Variants in PPP2R2B observed in about 807,000 individuals in gnomAD.
PPP2R2B encodes serine/threonine-protein phosphatase 2A 55 kDa regulatory subunit B beta isoform.
In PPP2R2B, 5 loss-of-function variants were observed where a neutral mutation model predicts 46.0. The ratio of observed to expected loss-of-function variants is 0.11; its 90% CI spans 0.06 to 0.23. PPP2R2B has a LOEUF of 0.23. Ranked by LOEUF, PPP2R2B falls within the 10% of genes least tolerant of loss-of-function variation. The pLI, the probability that PPP2R2B is intolerant of heterozygous loss-of-function variation, is 1.00. For missense variants in PPP2R2B, 367 were observed against 575.0 expected, an observed-to-expected ratio of 0.64 and a Z score of 3.70; for synonymous variants, 215 against 206.7, an observed-to-expected ratio of 1.04 and a Z score of -0.34.
intron 2 of PPP2R2B, among the ~76,000 whole-genome samples, chr5:147,076,391 T>C (rs1350917182): frequency 6.6e-6 from 1 of 152,116 alleles, no homozygotes; most frequent in Non-Finnish European, 1.5e-5. Context: ...GTTTCTTGAG[T>C]GAATCAATTA....
rs943888928 is a variant in PPP2R2B, at chr5:146,580,904, T to C, written c.*9043A>G. Among the ~76,000 whole-genome samples the C allele has an allele frequency of 1.3e-5, 2 of 152,194 alleles. No homozygotes were observed. The highest frequency in any genetic ancestry group is 2.9e-5 in the Non-Finnish European group (2 of 68,024). Reference sequence around the variant, plus strand: ...GTGCTGGTCAAAGTGAAGAGCTTCTTTGAGTCATGATCCATGCCTGAAATG... The same window carrying C: ...GTGCTGGTCAAAGTGAAGAGCTTCTCTGAGTCATGATCCATGCCTGAAATG... On this transcript the variant is annotated 3_prime_UTR_variant, in exon 10 of 10. Coordinates refer to ENST00000394411, the MANE Select transcript of PPP2R2B (RefSeq NM_181675.4).
chr5:146,740,131 A>T (rs1023404322), intron 2 of PPP2R2B, among the ~76,000 whole-genome samples: 4 of 152,202 alleles, frequency 2.6e-5, no homozygotes, highest in African/African-American at 9.7e-5. Flanking sequence ...GCTAGAAAAG[A>T]CTTCTCAGAG....
rs78428229 is a variant in PPP2R2B, at chr5:146,784,793, A to C, written c.71-83651T>G. 7.3e-3 allele frequency among the ~76,000 whole-genome samples: 1,114 copies of C among 152,302 alleles called. 20 individuals are homozygous for C. Among genetic ancestry groups the C allele is most frequent in the African/African-American group, 0.025 (1,050 of 41,576 alleles). On this transcript the variant is annotated intron_variant, in intron 2 of 9. Transcript: ENST00000394411. Reference sequence around the variant, plus strand: ...TTTCCACATCAGAAAAGAAGGTTCTATTATGTTAACTTTACAGAATATCAG... The same window carrying C: ...TTTCCACATCAGAAAAGAAGGTTCTCTTATGTTAACTTTACAGAATATCAG...
At chr5:146,751,004 AG>A (rs1753522128) in intron 2 of PPP2R2B, among the ~76,000 whole-genome samples, 1 of 152,162 alleles carries the variant, frequency 6.6e-6, no homozygotes, top group Non-Finnish European at 1.5e-5. Context: ...AAGAGCATGC[AG>A]GGGGATCCTG....
At chr5:146,684,396 ACATAG>A (rs1288682826) in intron 5 of PPP2R2B, among the ~76,000 whole-genome samples, 1 of 152,232 alleles carries the variant, frequency 6.6e-6, no homozygotes, top group Non-Finnish European at 1.5e-5. Context: ...GAGTATTACG[ACATAG>A]GTACCTCAGA....
chr5:146,823,561 T>C (rs1336445257), intron 2 of PPP2R2B, among the ~76,000 whole-genome samples: 1 of 152,086 alleles, frequency 6.6e-6, no homozygotes, highest in Non-Finnish European at 1.5e-5. Flanking sequence ...GAAGAACAGA[T>C]TTTCCAAGTA....
At chr5:147,079,900 T>TG (rs1477709929) in intron 2 of PPP2R2B, among the ~76,000 whole-genome samples, 1 of 152,176 alleles carries the variant, frequency 6.6e-6, no homozygotes, top group Non-Finnish European at 1.5e-5. Flanking sequence ...CATCTTGGTT[T>TG]GATATCATTA....
chr5:146,631,180 G>A (rs1774401818), intron 7 of PPP2R2B, among the ~76,000 whole-genome samples: 1 of 152,204 alleles, frequency 6.6e-6, no homozygotes, highest in Non-Finnish European at 1.5e-5. Flanking sequence ...GGGTGGGCAG[G>A]GAGTTTTGAT....
intron 2 of PPP2R2B, among the ~76,000 whole-genome samples, chr5:146,730,993 G>A (rs1408740531): frequency 6.6e-6 from 1 of 152,176 alleles, no homozygotes; most frequent in Admixed American, 6.6e-5. Context: ...GGTTAGAGAG[G>A]AAGATTCAGC....
chr5:146,664,813 T>C (rs1776877966), intron 5 of PPP2R2B, among the ~76,000 whole-genome samples: 1 of 152,208 alleles, frequency 6.6e-6, no homozygotes, highest in South Asian at 2.1e-4. Flanking sequence ...AAATGACTCC[T>C]TAATCTGTGG....
At chr5:146,935,090 G>T (rs909505837) in intron 1 of PPP2R2B, among the ~76,000 whole-genome samples, 4 of 152,136 alleles carry the variant, frequency 2.6e-5, no homozygotes, top group Admixed American at 6.6e-5. Context: ...CTTAGATCCA[G>T]TCCTCAAAGT....
intron 2 of PPP2R2B, among the ~76,000 whole-genome samples, chr5:146,778,623 A>AT (rs1561899720): frequency 6.6e-6 from 1 of 152,260 alleles, no homozygotes; most frequent in Admixed American, 6.5e-5. Context: ...CCTGAGTTGA[A>AT]TTTTCACTCT....
At chr5:146,769,296 A>C (rs1458521311) in intron 2 of PPP2R2B, among the ~76,000 whole-genome samples, 1 of 152,156 alleles carries the variant, frequency 6.6e-6, no homozygotes, top group East Asian at 1.9e-4. Context: ...TTAGGAATGC[A>C]AGTTCTCAGG....
At chr5:146,860,446 C>A (rs77686828) in intron 2 of PPP2R2B, among the ~76,000 whole-genome samples, 4,320 of 152,262 alleles carry the variant, frequency 0.028, 102 homozygotes, top group Middle Eastern at 0.051. Flanking sequence ...AGAAAACACA[C>A]CACACTTTCT....
At chr5:146,665,420 A>G (rs547842615) in intron 5 of PPP2R2B, among the ~76,000 whole-genome samples, 1 of 152,274 alleles carries the variant, frequency 6.6e-6, no homozygotes, top group South Asian at 2.1e-4. Flanking sequence ...CTAGCTTCCA[A>G]ATTTTTTATT....
At chr5:146,736,063 G>T (rs182688212) in intron 2 of PPP2R2B, among the ~76,000 whole-genome samples, 5 of 152,110 alleles carry the variant, frequency 3.3e-5, no homozygotes, top group Non-Finnish European at 1.5e-5. Flanking sequence ...CATGGGAGCA[G>T]TTTCCCCCAT....
chr5:147,040,837 A>C (rs1342625053), intron 1 of PPP2R2B: 2 of 438,018 alleles, frequency 4.6e-6, no homozygotes, highest in Admixed American at 5.2e-5. Flanking sequence ...GTAAAATAAT[A>C]GTGCCATTAC....
intron 6 of PPP2R2B, among the ~76,000 whole-genome samples, chr5:146,649,730 A>G (rs1775828018): frequency 6.6e-6 from 1 of 152,204 alleles, no homozygotes; most frequent in Non-Finnish European, 1.5e-5. Flanking sequence ...GATTATAAGC[A>G]TAAGCCACTG....
intron 1 of PPP2R2B, among the ~76,000 whole-genome samples, chr5:146,883,831 G>T (rs527559816): frequency 2.6e-5 from 4 of 152,184 alleles, no homozygotes; most frequent in Admixed American, 6.5e-5. Flanking sequence ...TCAAAGTGTT[G>T]TATTAATTCT....
Sources: gnomAD v4.1 joint callset for allele counts (sites outside exome capture counted in the v4.1 genomes callset) on GRCh38, gnomAD v4.1.1 for gene constraint, MANE v1.5 for transcripts, NCBI Gene and HGNC (gene_info 2026-07-23, HGNC 2026-07-21) for gene names.